RGS7BP: variants seen among roughly 807,000 people sequenced by gnomAD.
RGS7BP encodes the protein regulator of G protein signaling 7 binding protein, also known as regulator of G protein signaling 7-binding protein.
RGS7BP carries 9 observed loss-of-function variants against 31.3 expected under a neutral mutation model. That is an observed-to-expected ratio of 0.29 (90% CI 0.17 to 0.50). The LOEUF (loss-of-function observed/expected upper bound fraction) is 0.50. Ranked by LOEUF, RGS7BP falls within the 20% of genes least tolerant of loss-of-function variation. The pLI is 0.98. For synonymous variants in RGS7BP, 115 were observed against 120.1 expected (o/e 0.96, Z 0.28); for missense variants, 274 against 322.0 (o/e 0.85, Z 1.14).
rs755221814 is a variant in RGS7BP at position 64,577,440 on chromosome 5, GA to G, written c.463+1545del. 1.0e-3 allele frequency among the ~76,000 whole-genome samples: 153 copies of G among 149,178 alleles called. 1 individual carries two copies. Among genetic ancestry groups the G allele is most frequent in the African/African-American group, 3.2e-3 (132 of 40,650 alleles). On this transcript the variant is annotated intron_variant, in intron 3 of 5. Transcript: ENST00000334025. ...CTGGGTGACAGTGAGACTCCATCTCGAAAAAAAAATAAAAAATCTTGTGTAC... is the reference window on the plus strand; with the variant it reads ...CTGGGTGACAGTGAGACTCCATCTCGAAAAAAAATAAAAAATCTTGTGTAC...
At chr5:64,607,438 T>C (rs1237767388) in intron 5 of RGS7BP, among the ~76,000 whole-genome samples, 1 of 152,018 alleles carries the variant, frequency 6.6e-6, no homozygotes, top group Non-Finnish European at 1.5e-5. Flanking sequence ...ACATAAGATG[T>C]ATATCGGTTT....
chr5:64,536,198 A>G (rs1741350229), intron 2 of RGS7BP, among the ~76,000 whole-genome samples: 1 of 152,204 alleles, frequency 6.6e-6, no homozygotes, highest in Non-Finnish European at 1.5e-5. Context: ...GCTGAGTTTG[A>G]AGACAGAAGC....
At chr5:64,602,441 A>C (rs1743242974) in intron 5 of RGS7BP, among the ~76,000 whole-genome samples, 1 of 152,206 alleles carries the variant, frequency 6.6e-6, no homozygotes. Flanking sequence ...ACAAATGTGA[A>C]ATGTCTACTC....
At chr5:64,539,156 T>A (rs959967642) in intron 2 of RGS7BP, among the ~76,000 whole-genome samples, 1 of 152,226 alleles carries the variant, frequency 6.6e-6, no homozygotes, top group Non-Finnish European at 1.5e-5. Flanking sequence ...TATGTGCTAT[T>A]TAGCATTCAT....
intron 2 of RGS7BP, among the ~76,000 whole-genome samples, chr5:64,521,289 G>C (rs1399746036): frequency 2.0e-5 from 3 of 152,122 alleles, no homozygotes; most frequent in African/African-American, 7.2e-5. Flanking sequence ...ATGGAGTCTT[G>C]CTCTGTCACC....
intron 2 of RGS7BP, among the ~76,000 whole-genome samples, chr5:64,529,585 C>T (rs779930664): frequency 3.5e-4 from 53 of 152,322 alleles, no homozygotes; most frequent in Non-Finnish European, 2.2e-4. Context: ...TGTCTGGGTC[C>T]TACCCTCAGA....
intron 2 of RGS7BP, among the ~76,000 whole-genome samples, chr5:64,525,358 T>C (rs998239419): frequency 6.6e-6 from 1 of 152,220 alleles, no homozygotes; most frequent in African/African-American, 2.4e-5. Flanking sequence ...AGATGTCTTA[T>C]GAAGTCCCTT....
rs113264145 is a variant in RGS7BP at position 64,586,029 on chromosome 5, A to G, written c.464-8681A>G. On this transcript the variant is annotated intron_variant, in intron 3 of 5. Transcript: ENST00000334025. The stretch of plus-strand genomic sequence containing the variant: ...AATAAGAAATGATTTTAAATGTACA[A>G]CAACTCCCTTGGGCAAAGCAAAACA... Among the ~76,000 whole-genome samples, 880 of 152,308 alleles carry G rather than the reference A, an allele frequency of 5.8e-3. 4 individuals are homozygous for G. The highest frequency in any genetic ancestry group is 0.02 in the African/African-American group (828 of 41,556).
intron 4 of RGS7BP, among the ~76,000 whole-genome samples, chr5:64,596,551 T>A (rs1743074482): frequency 6.6e-6 from 1 of 152,112 alleles, no homozygotes; most frequent in Admixed American, 6.6e-5. Context: ...TTCTCACCCA[T>A]TCCATCTGTC....
At chr5:64,526,164 C>G (rs967803717) in intron 2 of RGS7BP, among the ~76,000 whole-genome samples, 7 of 152,196 alleles carry the variant, frequency 4.6e-5, no homozygotes, top group Non-Finnish European at 7.3e-5. Flanking sequence ...TTCTTCCTGA[C>G]TAAACTTACG....
intron 2 of RGS7BP, among the ~76,000 whole-genome samples, chr5:64,551,656 G>T (rs966854233): frequency 6.7e-6 from 1 of 150,204 alleles, no homozygotes; most frequent in African/African-American, 2.5e-5. Flanking sequence ...AGACCAAAGG[G>T]ATTATTCTAA....
chr5:64,558,922 C>T (rs1214130995), intron 2 of RGS7BP, among the ~76,000 whole-genome samples: 2 of 152,158 alleles, frequency 1.3e-5, no homozygotes, highest in African/African-American at 4.8e-5. Flanking sequence ...GAAATTCCAG[C>T]CTGGAGAATT....
chr5:64,514,745 G>C, intron 2 of RGS7BP, among the ~76,000 whole-genome samples: 1 of 152,146 alleles, frequency 6.6e-6, no homozygotes, highest in South Asian at 2.1e-4. Flanking sequence ...GTGTGCATGA[G>C]AGAATTGAGC....
chr5:64,572,916 C>G, intron 2 of RGS7BP, among the ~76,000 whole-genome samples: 1 of 150,106 alleles, frequency 6.7e-6, no homozygotes, highest in Non-Finnish European at 1.5e-5. Flanking sequence ...GTGCTGCACC[C>G]ATTAACTCGT....
intron 2 of RGS7BP, among the ~76,000 whole-genome samples, chr5:64,565,501 T>C (rs1400716168): frequency 6.6e-6 from 1 of 152,022 alleles, no homozygotes; most frequent in Non-Finnish European, 1.5e-5. Flanking sequence ...TTATTTTTTA[T>C]AAAATAGTTT....
intron 3 of RGS7BP, 83 bp downstream of exon 3, chr5:64,575,987 T>G: frequency 8.3e-7 from 1 of 1,198,058 alleles, no homozygotes; most frequent in South Asian, 1.5e-5. Context: ...ATATACCATA[T>G]CATATGCCTA....
At chr5:64,582,353 G>T (rs1742622612) in intron 3 of RGS7BP, among the ~76,000 whole-genome samples, 1 of 152,160 alleles carries the variant, frequency 6.6e-6, no homozygotes, top group African/African-American at 2.4e-5. Context: ...AATTCAATCA[G>T]TTGTGGCAAC....
intron 2 of RGS7BP, among the ~76,000 whole-genome samples, chr5:64,574,847 A>G (rs2111897089): frequency 6.6e-6 from 1 of 152,314 alleles, no homozygotes; most frequent in East Asian, 1.9e-4. Context: ...ATCAGATTTC[A>G]TTGCATTTTA....
In RGS7BP at chr5:64,612,058, C is replaced by T. The variant is rs1743519619; in HGVS notation, c.*2806C>T. On this transcript the variant is annotated 3_prime_UTR_variant, in exon 6 of 6. Transcript: ENST00000334025. ...TGTGGCATACATTCACCCATTTTCCCACCATATCTTTACTATCCTGTGTTG... is the reference window on the plus strand; with the variant it reads ...TGTGGCATACATTCACCCATTTTCCTACCATATCTTTACTATCCTGTGTTG... 6.6e-6 allele frequency: 1 copy of T among 152,224 alleles called. No homozygotes were observed. The highest frequency in any genetic ancestry group is 2.4e-5 in the African/African-American group (1 of 41,346). The allele number at this position is 152,224 out of a possible 1,614,324, so 9.4% of individuals were successfully genotyped here. A position where few individuals can be genotyped will look rare whatever the true frequency, so the allele number is the denominator to read the frequency against.
Sources: gnomAD v4.1 joint callset for allele counts (sites outside exome capture counted in the v4.1 genomes callset) on GRCh38, gnomAD v4.1.1 for gene constraint, MANE v1.5 for transcripts, NCBI Gene and HGNC (gene_info 2026-07-23, HGNC 2026-07-21) for gene names.